The following LTBP2 variants were observed in gnomAD, a reference collection of about 807,000 sequenced individuals.
LTBP2 encodes latent-transforming growth factor beta-binding protein 2.
A neutral mutation model predicts 210.6 loss-of-function variants in LTBP2; 103 were observed. The observed-to-expected ratio is 0.49, with a 90% CI of 0.42 to 0.58. The LOEUF is 0.58. Among genes scored for constraint, LTBP2 ranks in the 20% least tolerant of loss-of-function variants. The probability of loss-of-function intolerance (pLI) is 0.00; values close to 1 mark genes in which losing one functional copy is unlikely to be tolerated. For synonymous variants in LTBP2, 1,007 were observed against 1,015.0 expected, an observed-to-expected ratio of 0.99 and a Z score of 0.15; for missense variants, 2,313 against 2,494.5, an observed-to-expected ratio of 0.93 and a Z score of 1.55.
chr14:74,507,197 G>A lies in LTBP2; in HGVS notation c.3889C>T (p.Pro1297Ser). 1 of 1,614,132 alleles carries A rather than the reference G, an allele frequency of 6.2e-7. No individual in the cohort carries two copies. The highest frequency in any genetic ancestry group is 8.5e-7 in the Non-Finnish European group (1 of 1,180,016). The change falls in exon 26 of 36, where the codon CCG (proline) becomes TCG (serine). Residue 1297 changes from proline to serine, a missense_variant. Physicochemically the swap from Pro to Ser is moderately conservative, Grantham distance 74 (BLOSUM62 -1). This residue lies in a region of LTBP2 where 1,867 missense variants were observed against 1,976.9 expected (regional missense o/e 0.94). Transcript: ENST00000261978. Reference sequence around the variant, plus strand: ...TACTCACCAATGCAGTCTCCGTTCGGGGCCATGTGGAAGCCAGGCTGGCAG... The same window carrying A: ...TACTCACCAATGCAGTCTCCGTTCGAGGCCATGTGGAAGCCAGGCTGGCAG... ...LGCQPGFHMA[P>S]NGDCIDIDEC...
At position 74,549,919 on chromosome 14, in the gene LTBP2, C is replaced by A. The variant is rs2087628780; in HGVS notation, c.1733G>T (p.Gly578Val). Reference protein sequence around the residue: ...LELTTQEDCCGSVGAFWGVTL... With the variant: ...LELTTQEDCCVSVGAFWGVTL... ...CACCCCCCAGAAGGCTCCCACACTG[C>A]CACAGCAGTCCTCCTGGGTAGTCAG... Residue 578 changes from glycine to valine, a missense_variant, in exon 8 of 36, where the codon GGC (glycine) becomes GTC (valine). Around this residue, in one of 3 missense-constraint regions of LTBP2, gnomAD observed 1,867 missense variants for 1,976.9 expected, o/e 0.94. Transcript: ENST00000261978. The A allele has an allele frequency of 1.2e-6, 2 of 1,614,036 alleles. No homozygotes were observed. The highest frequency in any genetic ancestry group is 1.7e-6 in the Non-Finnish European group (2 of 1,180,012).
intron 2 of LTBP2, among the ~76,000 whole-genome samples, chr14:74,589,875 G>A (rs892252993): frequency 6.6e-6 from 1 of 152,142 alleles, no homozygotes; most frequent in African/African-American, 2.4e-5. Context: ...AAAGCCCGGC[G>A]TGGGTGAGAG....
At chr14:74,507,530 T>C (rs781429102) in intron 25 of LTBP2, among the ~76,000 whole-genome samples, 54 of 152,244 alleles carry the variant, frequency 3.5e-4, no homozygotes, top group Non-Finnish European at 7.2e-4. Flanking sequence ...AGTGAGCTCC[T>C]GCCCTTCTGT....
chr14:74,537,693 T>A (rs962811630), intron 8 of LTBP2, among the ~76,000 whole-genome samples: 4 of 152,232 alleles, frequency 2.6e-5, no homozygotes, highest in Non-Finnish European at 5.9e-5. Context: ...TGAGAATATA[T>A]GTCCACTGGT....
chr14:74,501,300 TC>T (rs1266371253), intron 35 of LTBP2, 140 bp downstream of exon 35: 26 of 1,352,858 alleles, frequency 1.9e-5, no homozygotes, highest in South Asian at 4.7e-5. Flanking sequence ...AATTAAACCT[TC>T]CTTTGGCGCT....
chr14:74,582,399 C>CAT (rs1015204314), intron 3 of LTBP2, among the ~76,000 whole-genome samples: 2 of 16,772 alleles, frequency 1.2e-4, no homozygotes, highest in Non-Finnish European at 3.1e-4. Flanking sequence ...CACATACATA[C>CAT]ACACACACAC....
intron 17 of LTBP2, 120 bp downstream of exon 17, chr14:74,521,791 T>C: frequency 7.3e-7 from 1 of 1,362,052 alleles, no homozygotes; most frequent in Non-Finnish European, 1.0e-6. Context: ...CCTCCTTCAC[T>C]CCTTCAGCTG....
At chr14:74,569,437 A>G (rs564407222) in intron 3 of LTBP2, among the ~76,000 whole-genome samples, 7 of 152,274 alleles carry the variant, frequency 4.6e-5, no homozygotes, top group African/African-American at 1.7e-4. Context: ...GGGTGGGCAG[A>G]CACTGGGAAT....
intron 3 of LTBP2, among the ~76,000 whole-genome samples, chr14:74,584,620 G>C (rs1198311726): frequency 6.6e-6 from 1 of 152,130 alleles, no homozygotes; most frequent in Non-Finnish European, 1.5e-5. Context: ...TCTGCTCCTT[G>C]TTTCTGCTGC....
At chr14:74,517,010 G>A (rs2087145601) in intron 17 of LTBP2, 69 bp from the exon 18 acceptor site, 7 of 1,535,214 alleles carry the variant, frequency 4.6e-6, no homozygotes, top group Non-Finnish European at 6.1e-6. Flanking sequence ...CGGGGTCCTG[G>A]AGCATTCCTT....
chr14:74,565,834 G>T (rs1024797381), intron 3 of LTBP2, among the ~76,000 whole-genome samples: 5 of 152,280 alleles, frequency 3.3e-5, no homozygotes, highest in African/African-American at 1.2e-4. Flanking sequence ...CTCTGCCAAC[G>T]TTTTCCAATT....
At chr14:74,509,930 G>T in intron 20 of LTBP2, 71 bp from the exon 21 acceptor site, 1 of 1,612,742 alleles carries the variant, frequency 6.2e-7, no homozygotes, top group Non-Finnish European at 8.5e-7. Flanking sequence ...CAGGTAGGCA[G>T]GGGTGGGGGA....
At position 74,611,321 on chromosome 14, in the gene LTBP2, T is replaced by C. The variant is rs900469161; in HGVS notation, c.494+130A>G. 74 of 1,102,154 alleles carry C rather than the reference T, an allele frequency of 6.7e-5. 2 individuals are homozygous for C. In the South Asian group the frequency reaches 1.9e-3, roughly 28 times the overall value. The allele number at this position is 1,102,154 out of a possible 1,614,324, so 68.3% of individuals were successfully genotyped here. A position where few individuals can be genotyped will look rare whatever the true frequency, so the allele number is the denominator to read the frequency against. ...TCCCGATTTTGGAACCTCGGGGCTG[T>C]TTCCCGAAGTACTAAAGACAGAGGG... On this transcript the variant is annotated intron_variant, in intron 1 of 35. Coordinates refer to ENST00000261978, the MANE Select transcript of LTBP2 (RefSeq NM_000428.3).
In LTBP2 at chr14:74,611,934, C is replaced by T. The variant is rs1458725650; in HGVS notation, c.11G>A (p.Arg4Gln). 2 of 1,581,750 alleles carry T rather than the reference C, an allele frequency of 1.3e-6. No individual in the cohort carries two copies. The highest frequency in any genetic ancestry group is 1.4e-5 in the African/African-American group (1 of 74,040). MRP[R>Q]TKARSPGRAL... Reference sequence around the variant, plus strand: ...GCGCCCCGGGCTGCGGGCTTTGGTCCGCGGCCTCATGGCGCGGGGCGGCTG... The same window carrying T: ...GCGCCCCGGGCTGCGGGCTTTGGTCTGCGGCCTCATGGCGCGGGGCGGCTG... The change falls in exon 1 of 36, where the codon CGG becomes CAG. Residue 4 changes from arginine to glutamine, a missense_variant. This residue lies in a region of LTBP2 where 1,867 missense variants were observed against 1,976.9 expected (regional missense o/e 0.94). Coordinates refer to ENST00000261978, the MANE Select transcript of LTBP2 (RefSeq NM_000428.3).
intron 3 of LTBP2, 48 bp from the exon 4 acceptor site, chr14:74,555,741 GTC>G (rs2087720759): frequency 7.2e-7 from 1 of 1,379,734 alleles, no homozygotes; most frequent in Non-Finnish European, 9.6e-7. Context: ...GGAACAGTGT[GTC>G]TGTGCCACTC....
intron 2 of LTBP2, among the ~76,000 whole-genome samples, chr14:74,599,928 T>C (rs1044654254): frequency 1.3e-5 from 2 of 152,244 alleles, no homozygotes; most frequent in Non-Finnish European, 2.9e-5. Flanking sequence ...TCAGCCCCCA[T>C]CTCTCACTGG....
At chr14:74,527,879 A>G (rs1294749472) in intron 12 of LTBP2, among the ~76,000 whole-genome samples, 1 of 152,232 alleles carries the variant, frequency 6.6e-6, no homozygotes, top group East Asian at 1.9e-4. Flanking sequence ...TCCCCTGTCT[A>G]TTCCAGATTC....
At chr14:74,547,795 C>A (rs905084014) in intron 8 of LTBP2, among the ~76,000 whole-genome samples, 2 of 152,014 alleles carry the variant, frequency 1.3e-5, no homozygotes, top group African/African-American at 4.8e-5. Flanking sequence ...GGAGAGAGAC[C>A]CCCACCCACT....
In LTBP2 at chr14:74,507,325, A is replaced by G. The variant is rs766182758; in HGVS notation, c.3776-15T>C. 3.2e-5 allele frequency: 51 copies of G among 1,613,688 alleles called. No homozygotes were observed. In the South Asian group the frequency reaches 5.4e-4, roughly 17 times the overall value. ...CTCGTCAATATCTGTCCCCAGAGCCATGCCATGAGAGAGGACAGAGGTGGC... is the reference window on the plus strand; with the variant it reads ...CTCGTCAATATCTGTCCCCAGAGCCGTGCCATGAGAGAGGACAGAGGTGGC... On this transcript the variant is annotated splice_polypyrimidine_tract_variant and intron_variant, in intron 25 of 35. Coordinates refer to ENST00000261978, the MANE Select transcript of LTBP2 (RefSeq NM_000428.3).
Sources: allele counts gnomAD v4.1 joint callset (sites outside exome capture counted in the v4.1 genomes callset), GRCh38; gene constraint gnomAD v4.1.1; regional missense constraint gnomAD v4.1.1; transcripts MANE v1.5; gene names NCBI Gene and HGNC (gene_info 2026-07-23, HGNC 2026-07-21).